PLCZ1: variants seen among roughly 807,000 people sequenced by gnomAD.
The protein encoded by PLCZ1 is 1-phosphatidylinositol 4,5-bisphosphate phosphodiesterase zeta-1.
In PLCZ1, 64 loss-of-function variants were observed where a neutral mutation model predicts 76.8. The observed-to-expected ratio is 0.83, with a 90% confidence interval of 0.68 to 1.03. The LOEUF (loss-of-function observed/expected upper bound fraction) is 1.03, where lower values mean the gene tolerates loss of function less well. Ranked by LOEUF, PLCZ1 falls within the 50% of genes least tolerant of loss-of-function variation. The pLI is 0.00. For synonymous variants in PLCZ1, 248 were observed against 230.8 expected, an observed-to-expected ratio of 1.07 and a Z score of -0.68; for missense variants, 751 against 713.7, an observed-to-expected ratio of 1.05 and a Z score of -0.60.
intron 11 of PLCZ1, 85 bp downstream of exon 11, chr12:18,696,065 C>G: frequency 1.4e-6 from 1 of 727,362 alleles, no homozygotes; most frequent in Non-Finnish European, 2.3e-6. Context: ...TACAGAAAGC[C>G]CTTTTCACGA....
chr12:18,687,589 C>T lies in PLCZ1; in HGVS notation c.1591+500G>A, dbSNP rs372085972. On this transcript the variant is annotated intron_variant, in intron 13 of 14. Transcript: ENST00000266505. ...AGTTATTTCCCTTAATTCTTCACTT[C>T]CCTTATGGCAAAAATGACTGAATTA... 1.4e-3 allele frequency among the ~76,000 whole-genome samples: 217 copies of T among 152,204 alleles called. 1 individual carries two copies. The highest frequency in any genetic ancestry group is 5.0e-3 in the African/African-American group (208 of 41,554).
rs972263282 is a variant in PLCZ1 at position 18,737,533 on chromosome 12, C to G, written c.-138-24G>C. The G allele has an allele frequency of 4.3e-6, 4 of 927,106 alleles. No homozygotes were observed. The African/African-American group carries it at 9.5e-5, about 22-fold the overall frequency. 57.4% of individuals were successfully genotyped at this position (927,106 alleles called of 1,614,324 possible). A position where few individuals can be genotyped will look rare whatever the true frequency, so the allele number is the denominator to read the frequency against. The stretch of plus-strand genomic sequence containing the variant: ...TTCTAGGGAGAAAGCAGAGAACACA[C>G]AGTGGTTTTTTTTGCCTTCGTTCTT... On this transcript the variant is annotated intron_variant, in intron 1 of 14. Coordinates refer to ENST00000266505, the MANE Select transcript of PLCZ1 (RefSeq NM_033123.4).
intron 11 of PLCZ1, among the ~76,000 whole-genome samples, chr12:18,695,608 T>C (rs1025609026): frequency 1.3e-5 from 2 of 150,970 alleles, no homozygotes; most frequent in Non-Finnish European, 2.9e-5. Flanking sequence ...ATATCCCCCC[T>C]CCTCACACCT....
the PLCZ1 span, among the ~76,000 whole-genome samples, chr12:18,674,333 C>G: frequency 1.3e-5 from 2 of 152,260 alleles, no homozygotes; most frequent in East Asian, 3.9e-4. Context: ...ACACTATCCT[C>G]TGGTAACTAT....
chr12:18,715,149 A>C (rs1957785244), intron 5 of PLCZ1, among the ~76,000 whole-genome samples: 1 of 86,450 alleles, frequency 1.2e-5, no homozygotes, highest in Non-Finnish European at 2.4e-5. Flanking sequence ...GGACTGCCTA[A>C]AATATGAGAG....
chr12:18,737,425 G>A lies in PLCZ1; in HGVS notation c.-54C>T. ...CTCACTTAGAAGTCTTTCCCCAGTAGGTGCTGTCATGGGTTCCAAATACAA... is the reference window on the plus strand; with the variant it reads ...CTCACTTAGAAGTCTTTCCCCAGTAAGTGCTGTCATGGGTTCCAAATACAA... On this transcript the variant is annotated 5_prime_UTR_variant, in exon 2 of 15. Transcript: ENST00000266505. 6.2e-7 allele frequency: 1 copy of A among 1,612,500 alleles called. No homozygotes were observed. Among genetic ancestry groups the A allele is most frequent in the Non-Finnish European group, 8.5e-7 (1 of 1,178,640 alleles).
the PLCZ1 span, chr12:18,648,056 A>G: frequency 1.7e-6 from 2 of 1,167,892 alleles, no homozygotes. Flanking sequence ...TGCATTATTC[A>G]TTAACTACTT....
At chr12:18,721,715 TAA>T (rs35492057) in intron 4 of PLCZ1, among the ~76,000 whole-genome samples, 111 of 139,798 alleles carry the variant, frequency 7.9e-4, no homozygotes, top group African/African-American at 1.3e-3. Flanking sequence ...GTCTTGCTAT[TAA>T]AAAAAAAAAA....
Position 18,723,454 on chromosome 12 carries a change from T to G in PLCZ1, c.224A>C (p.Glu75Ala). 1 of 1,613,110 alleles carries G rather than the reference T, an allele frequency of 6.2e-7. No individual in the cohort carries two copies. Among genetic ancestry groups the G allele is most frequent in the Non-Finnish European group, 8.5e-7 (1 of 1,179,468 alleles). The change falls in exon 4 of 15, where the codon GAG becomes GCG. Residue 75 changes from glutamate to alanine, a missense_variant. Transcript: ENST00000266505. The part of the protein sequence containing the change: ...RIITHREEII[E>A]IFNTYSENRK... ...GTTTTCAGAATATGTGTTGAAAATC[T>G]CAATAATTTCTTCTCTGTGCGTGAT...
chr12:18,688,005 T>C, intron 13 of PLCZ1, 84 bp downstream of exon 13: 1 of 1,551,848 alleles, frequency 6.4e-7, no homozygotes, highest in Non-Finnish European at 8.8e-7. Flanking sequence ...AATAAATATG[T>C]ACAAAAACTC....
rs1323438892 is a variant in PLCZ1, at chr12:18,736,551, C to G, written c.12-207G>C. 5 of 1,242,778 alleles carry G rather than the reference C, an allele frequency of 4.0e-6. No individual in the cohort carries two copies. The East Asian group carries it at 1.7e-4, about 43-fold the overall frequency. The allele number at this position is 1,242,778 out of a possible 1,614,324, so 77.0% of individuals were successfully genotyped here. On this transcript the variant is annotated intron_variant, in intron 2 of 14. Transcript: ENST00000266505. ...GGTAAAGGTATGAAAGGGCATAGCA[C>G]AGTAAAAATACAAAAAAAAGAATTA...
chr12:18,710,756 T>G (rs1255737288), intron 6 of PLCZ1, among the ~76,000 whole-genome samples: 1 of 152,024 alleles, frequency 6.6e-6, no homozygotes, highest in Non-Finnish European at 1.5e-5. Flanking sequence ...AAGAAGACAT[T>G]TATGCAGCCA....
the PLCZ1 span, among the ~76,000 whole-genome samples, chr12:18,661,799 A>G: frequency 6.6e-6 from 1 of 152,152 alleles, no homozygotes; most frequent in African/African-American, 2.4e-5. Context: ...TACACACCCA[A>G]AGGAATATAA....
the PLCZ1 span, among the ~76,000 whole-genome samples, chr12:18,675,005 A>T: frequency 6.6e-6 from 1 of 152,144 alleles, no homozygotes; most frequent in Non-Finnish European, 1.5e-5. Flanking sequence ...AACTCTCTAG[A>T]TCAGCACTTC....
the PLCZ1 span, among the ~76,000 whole-genome samples, chr12:18,668,297 G>A: frequency 2.5e-4 from 38 of 152,274 alleles, no homozygotes; most frequent in Middle Eastern, 0.01. Context: ...CTTCCCTACG[G>A]ATAATAATTC....
chr12:18,676,865 A>G, the PLCZ1 span, among the ~76,000 whole-genome samples: 1 of 152,162 alleles, frequency 6.6e-6, no homozygotes, highest in East Asian at 1.9e-4. Context: ...ACAGCCATGT[A>G]AAATAATAAT....
At chr12:18,659,307 A>G in the PLCZ1 span, among the ~76,000 whole-genome samples, 7 of 152,252 alleles carry the variant, frequency 4.6e-5, no homozygotes, top group Non-Finnish European at 7.4e-5. Context: ...AATAGATGAG[A>G]AAACAAAAGT....
chr12:18,650,347 A>ATATATG, the PLCZ1 span, among the ~76,000 whole-genome samples: 42 of 114,526 alleles, frequency 3.7e-4, no homozygotes, highest in Non-Finnish European at 4.8e-4. Flanking sequence ...ATATATATAT[A>ATATATG]TGTGTGTGTG....
intron 7 of PLCZ1, among the ~76,000 whole-genome samples, chr12:18,704,569 C>A (rs571066856): frequency 1.3e-5 from 2 of 151,974 alleles, no homozygotes; most frequent in Non-Finnish European, 2.9e-5. Flanking sequence ...TCAGGGGATC[C>A]GCCCTCCTCA....
Sources: gnomAD v4.1 joint callset for allele counts (sites outside exome capture counted in the v4.1 genomes callset) on GRCh38, gnomAD v4.1.1 for gene constraint, MANE v1.5 for transcripts, NCBI Gene and HGNC (gene_info 2026-07-23, HGNC 2026-07-21) for gene names.